The following SGCZ variants were observed in gnomAD, a reference collection of about 807,000 sequenced individuals.
SGCZ encodes sarcoglycan zeta.
A neutral mutation model predicts 41.3 loss-of-function variants in SGCZ; 40 were observed. The observed-to-expected ratio is 0.97, with a 90% CI of 0.75 to 1.26. The LOEUF is 1.26. SGCZ is among the 50% of genes most tolerant of loss of function. The pLI is 0.00. For missense variants in SGCZ, 552 were observed against 369.8 expected (o/e 1.49, Z -4.04); for synonymous variants, 206 against 137.5 (o/e 1.50, Z -3.49).
At chr8:15,036,580 T>C (rs1160727908) in intron 1 of SGCZ, among the ~76,000 whole-genome samples, 1 of 152,106 alleles carries the variant, frequency 6.6e-6, no homozygotes, top group East Asian at 1.9e-4. Context: ...GAATAAAAAA[T>C]ATAAAATAAA....
intron 1 of SGCZ, among the ~76,000 whole-genome samples, chr8:15,119,841 G>T (rs547244371): frequency 6.6e-6 from 1 of 151,842 alleles, no homozygotes; most frequent in African/African-American, 2.4e-5. Context: ...AGACAGTCTC[G>T]CTCTGTTGAC....
At chr8:14,432,100 A>G (rs1030079205) in intron 2 of SGCZ, among the ~76,000 whole-genome samples, 2 of 152,188 alleles carry the variant, frequency 1.3e-5, no homozygotes, top group South Asian at 4.1e-4. Context: ...AACTAATATA[A>G]CCACTACGGA....
chr8:14,216,193 C>T (rs962240882), intron 4 of SGCZ, among the ~76,000 whole-genome samples: 1 of 152,188 alleles, frequency 6.6e-6, no homozygotes, highest in Non-Finnish European at 1.5e-5. Context: ...AGTTTCTTTA[C>T]ATCCCCTTGT....
At chr8:14,957,076 T>G (rs1267950874) in intron 1 of SGCZ, among the ~76,000 whole-genome samples, 1 of 152,136 alleles carries the variant, frequency 6.6e-6, no homozygotes, top group African/African-American at 2.4e-5. Flanking sequence ...AGAGAAAAAT[T>G]AAATTTTTGG....
intron 1 of SGCZ, among the ~76,000 whole-genome samples, chr8:14,728,164 T>C (rs1362924234): frequency 2.0e-5 from 3 of 152,182 alleles, no homozygotes; most frequent in Admixed American, 2.0e-4. Flanking sequence ...TGTGTAGGTA[T>C]GTGCAATGTC....
intron 1 of SGCZ, among the ~76,000 whole-genome samples, chr8:15,121,868 G>C (rs1181885771): frequency 7.3e-6 from 1 of 136,672 alleles, no homozygotes; most frequent in East Asian, 2.1e-4. Flanking sequence ...CAAAACTCAT[G>C]ACCAAACATG....
intron 1 of SGCZ, among the ~76,000 whole-genome samples, chr8:14,757,821 C>T (rs778624155): frequency 5.2e-4 from 79 of 152,260 alleles, no homozygotes; most frequent in South Asian, 1.0e-3. Flanking sequence ...TTTGCCCATA[C>T]TTTCATGACC....
At chr8:14,421,928 AC>A (rs1352116625) in intron 2 of SGCZ, among the ~76,000 whole-genome samples, 2 of 152,280 alleles carry the variant, frequency 1.3e-5, no homozygotes, top group Non-Finnish European at 2.9e-5. Flanking sequence ...ATGGGCCAAG[AC>A]TTTTTTGGCT....
chr8:14,970,042 C>G (rs1182776173), intron 1 of SGCZ, among the ~76,000 whole-genome samples: 1 of 152,130 alleles, frequency 6.6e-6, no homozygotes, highest in Admixed American at 6.5e-5. Context: ...TATAGTCATT[C>G]TCATACAGTC....
chr8:14,104,497 T>G (rs190746581), intron 6 of SGCZ, among the ~76,000 whole-genome samples: 1 of 152,206 alleles, frequency 6.6e-6, no homozygotes, highest in Admixed American at 6.5e-5. Flanking sequence ...ATTCAGACTT[T>G]AAAACAACCT....
intron 1 of SGCZ, among the ~76,000 whole-genome samples, chr8:14,995,643 G>A (rs557057787): frequency 1.1e-4 from 16 of 152,252 alleles, no homozygotes; most frequent in African/African-American, 2.6e-4. Flanking sequence ...GAAAGGAGGC[G>A]TGTCCTTAGA....
intron 1 of SGCZ, among the ~76,000 whole-genome samples, chr8:14,935,458 A>AG (rs1203090345): frequency 1.3e-5 from 2 of 150,502 alleles, no homozygotes; most frequent in Non-Finnish European, 3.0e-5. Context: ...TCCTACTGTG[A>AG]GAAAAAAAGG....
At chr8:14,388,403 A>T (rs1413906526) in intron 2 of SGCZ, among the ~76,000 whole-genome samples, 1 of 152,116 alleles carries the variant, frequency 6.6e-6, no homozygotes. Context: ...TAAGAATGAA[A>T]AAAAGAGAGA....
intron 1 of SGCZ, among the ~76,000 whole-genome samples, chr8:14,695,054 C>T (rs1450281749): frequency 6.6e-6 from 1 of 152,134 alleles, no homozygotes. Flanking sequence ...AAACAAACTC[C>T]TCCTCTTGCC....
rs1221859968 is a variant in SGCZ, at chr8:14,362,902, A to C, written c.235-38698T>G. Among the ~76,000 whole-genome samples, 4 of 152,250 alleles carry C rather than the reference A, an allele frequency of 2.6e-5. No homozygotes were observed. In the East Asian group the frequency reaches 7.7e-4, roughly 29 times the overall value. On this transcript the variant is annotated intron_variant, in intron 2 of 7. Coordinates refer to ENST00000382080, the MANE Select transcript of SGCZ (RefSeq NM_139167.4). Reference sequence around the variant, plus strand: ...ATGCAAATATAGTATTATTGAGAGCATAAATCCAATAAAATATTTGGAGAT... The same window carrying C: ...ATGCAAATATAGTATTATTGAGAGCCTAAATCCAATAAAATATTTGGAGAT...
intron 1 of SGCZ, among the ~76,000 whole-genome samples, chr8:14,621,623 A>C (rs562015990): frequency 6.6e-6 from 1 of 152,216 alleles, no homozygotes; most frequent in African/African-American, 2.4e-5. Flanking sequence ...GGTGAAGGGG[A>C]GGCTTATACA....
intron 2 of SGCZ, among the ~76,000 whole-genome samples, chr8:14,505,974 G>A (rs1019201821): frequency 2.0e-5 from 3 of 151,996 alleles, no homozygotes; most frequent in African/African-American, 7.2e-5. Flanking sequence ...GTGATGCTAT[G>A]TCCTTCCCAA....
chr8:15,028,144 A>G (rs1377962646), intron 1 of SGCZ, among the ~76,000 whole-genome samples: 3 of 152,098 alleles, frequency 2.0e-5, no homozygotes, highest in African/African-American at 7.2e-5. Context: ...CTGTCCCTGG[A>G]CTTGTCAGAT....
At chr8:14,730,370 A>T (rs967073940) in intron 1 of SGCZ, among the ~76,000 whole-genome samples, 37 of 152,088 alleles carry the variant, frequency 2.4e-4, no homozygotes, top group African/African-American at 8.2e-4. Flanking sequence ...GAGTGAGGAG[A>T]CGGGATATAT....
Sources: gnomAD v4.1 joint callset for allele counts (sites outside exome capture counted in the v4.1 genomes callset) on GRCh38, gnomAD v4.1.1 for gene constraint, MANE v1.5 for transcripts, NCBI Gene and HGNC (gene_info 2026-07-23, HGNC 2026-07-21) for gene names.